Variants in CCDC7 observed in about 807,000 individuals in gnomAD.
CCDC7 encodes coiled-coil domain containing 7.
CCDC7 carries 183 observed loss-of-function variants against 196.9 expected under a neutral mutation model. The ratio of observed to expected loss-of-function variants is 0.93; its 90% confidence interval spans 0.82 to 1.05. The LOEUF (loss-of-function observed/expected upper bound fraction) is 1.05. CCDC7 is among the 50% of genes least tolerant of loss of function. The pLI is 0.00. For synonymous variants in CCDC7, 525 were observed against 484.6 expected, an observed-to-expected ratio of 1.08 and a Z score of -1.10; for missense variants, 1,540 against 1,482.2, an observed-to-expected ratio of 1.04 and a Z score of -0.64.
intron 28 of CCDC7, among the ~76,000 whole-genome samples, chr10:32,769,822 A>G (rs1195068017): frequency 6.6e-6 from 1 of 152,090 alleles, no homozygotes; most frequent in Non-Finnish European, 1.5e-5. Flanking sequence ...CATCCTTTTT[A>G]TGTCTGCATA....
At chr10:32,667,800 C>T (rs1002302806) in intron 21 of CCDC7, among the ~76,000 whole-genome samples, 8 of 152,060 alleles carry the variant, frequency 5.3e-5, no homozygotes, top group Non-Finnish European at 8.8e-5. Context: ...AGTCAGGTAG[C>T]GTGATGCCTC....
intron 8 of CCDC7, among the ~76,000 whole-genome samples, chr10:32,478,433 C>G (rs2039393611): frequency 6.6e-6 from 1 of 152,090 alleles, no homozygotes; most frequent in East Asian, 1.9e-4. Flanking sequence ...ATGATGTTAG[C>G]TATAAACTTT....
rs536744004 is a variant in CCDC7 at position 32,654,743 on chromosome 10, A to G, written c.2015-9311A>G. Reference sequence around the variant, plus strand: ...AGCCTTCATTTCCTGTTTGCTCAGAACCTCAAGGTCAGTTAGAGGTGAGAG... The same window carrying G: ...AGCCTTCATTTCCTGTTTGCTCAGAGCCTCAAGGTCAGTTAGAGGTGAGAG... On this transcript the variant is annotated intron_variant, in intron 20 of 41. Coordinates refer to ENST00000639629, the Ensembl canonical transcript of CCDC7. Among the ~76,000 whole-genome samples the G allele has an allele frequency of 2.6e-5, 4 of 152,194 alleles. No individual in the cohort carries two copies. The South Asian group carries it at 8.3e-4, about 32-fold the overall frequency.
chr10:32,566,842 A>C (rs2056867685), intron 14 of CCDC7, among the ~76,000 whole-genome samples: 1 of 148,848 alleles, frequency 6.7e-6, no homozygotes, highest in Admixed American at 6.8e-5. Context: ...AGCCCAGGAG[A>C]CTAGAGGTTG....
At chr10:32,792,403 G>A (rs2082849415) in intron 29 of CCDC7, among the ~76,000 whole-genome samples, 1 of 152,186 alleles carries the variant, frequency 6.6e-6, no homozygotes, top group Non-Finnish European at 1.5e-5. Flanking sequence ...AATTCAAAAA[G>A]ATGTAAATTG....
At chr10:32,846,105 G>A in intron 36 of CCDC7, 146 bp downstream of exon 37, 1 of 756,798 alleles carries the variant, frequency 1.3e-6, no homozygotes, top group Non-Finnish European at 2.3e-6. Context: ...TATAATAAAG[G>A]GACTATCAAT....
In CCDC7 at chr10:32,745,636, A is replaced by G. The variant is rs1029407910; in HGVS notation, c.2905+16179A>G. On this transcript the variant is annotated intron_variant, in intron 28 of 41. Transcript: ENST00000639629. ...TACCTAACACCAGCTACGACCTCCA[A>G]TATTGGTGATCCAGTTTCTACATGA... Among the ~76,000 whole-genome samples, 59 of 152,194 alleles carry G rather than the reference A, an allele frequency of 3.9e-4. 1 individual carries two copies. Among genetic ancestry groups the G allele is most frequent in the Non-Finnish European group, 7.8e-4 (53 of 68,028 alleles).
chr10:32,585,529 C>T lies in CCDC7; in HGVS notation c.1801+1225C>T, dbSNP rs552634237. On this transcript the variant is annotated intron_variant, in intron 18 of 41. Coordinates refer to ENST00000639629, the Ensembl canonical transcript of CCDC7. ...TCCTAATGTTATCCCTCTCCTAGGC[C>T]CCCACCCCTGACAGGCCCCTGTGTG... is the stretch of plus-strand genomic sequence containing the variant. Among the ~76,000 whole-genome samples, 9 of 152,190 alleles carry T rather than the reference C, an allele frequency of 5.9e-5. No individual in the cohort carries two copies. The South Asian group carries it at 1.9e-3, about 32-fold the overall frequency.
chr10:32,726,338 A>G (rs1251208829), intron 25 of CCDC7, among the ~76,000 whole-genome samples: 1 of 151,952 alleles, frequency 6.6e-6, no homozygotes, highest in African/African-American at 2.4e-5. Flanking sequence ...TTATTGAGCC[A>G]ATATATTATA....
intron 41 of CCDC7, among the ~76,000 whole-genome samples, chr10:32,855,258 T>A (rs1358041891): frequency 6.6e-6 from 1 of 152,138 alleles, no homozygotes; most frequent in Non-Finnish European, 1.5e-5. Context: ...CTCAACCTTT[T>A]TGACAGCAGG....
intron 1 of CCDC7, among the ~76,000 whole-genome samples, chr10:32,452,975 T>G (rs1311208536): frequency 6.6e-6 from 1 of 152,138 alleles, no homozygotes. Context: ...TGCTTTCTGG[T>G]CTCCATCTTT....
At chr10:32,544,420 GT>G in intron 13 of CCDC7, 119 bp downstream of exon 14, 1 of 929,428 alleles carries the variant, frequency 1.1e-6, no homozygotes, top group Non-Finnish European at 1.5e-6. Context: ...GTGTGTGTAT[GT>G]GTCTCTGTGT....
chr10:32,722,906 G>A (rs567134896), intron 25 of CCDC7, among the ~76,000 whole-genome samples: 2 of 152,192 alleles, frequency 1.3e-5, no homozygotes, highest in South Asian at 2.1e-4. Context: ...CTTGTTATAT[G>A]ACCACCGTTC....
intron 9 of CCDC7, among the ~76,000 whole-genome samples, chr10:32,506,383 C>A (rs2045113684): frequency 6.6e-6 from 1 of 152,042 alleles, no homozygotes. Flanking sequence ...GGCAGCCGGG[C>A]AGAGGGGCTC....
intron 29 of CCDC7, among the ~76,000 whole-genome samples, chr10:32,796,376 T>G (rs2083557752): frequency 6.6e-6 from 1 of 152,208 alleles, no homozygotes; most frequent in South Asian, 2.1e-4. Context: ...CTGTCTTAAG[T>G]CTGTGGGTTC....
chr10:32,739,652 A>G (rs1050898315), intron 28 of CCDC7, among the ~76,000 whole-genome samples: 8 of 147,810 alleles, frequency 5.4e-5, no homozygotes, highest in Non-Finnish European at 7.5e-5. Flanking sequence ...TCTTCAGACT[A>G]TGTTTTTTTT....
chr10:32,791,384 GA>G (rs1048194691), intron 29 of CCDC7, among the ~76,000 whole-genome samples: 5 of 151,860 alleles, frequency 3.3e-5, no homozygotes, highest in African/African-American at 9.7e-5. Flanking sequence ...TGACACCAAA[GA>G]AACAGAAATT....
chr10:32,512,224 A>G (rs2135384242), intron 9 of CCDC7: 1 of 158,822 alleles, frequency 6.3e-6, no homozygotes, highest in Non-Finnish European at 1.4e-5. Context: ...GTTCAGTCTT[A>G]GAGATGAAGT....
chr10:32,752,237 C>T (rs2075774592), intron 28 of CCDC7, among the ~76,000 whole-genome samples: 1 of 148,706 alleles, frequency 6.7e-6, no homozygotes, highest in Non-Finnish European at 1.5e-5. Context: ...GTATTTATAG[C>T]CCTCTAATTG....
Sources: gnomAD v4.1 joint callset for allele counts (sites outside exome capture counted in the v4.1 genomes callset) on GRCh38, gnomAD v4.1.1 for gene constraint, MANE v1.5 for transcripts, NCBI Gene and HGNC (gene_info 2026-07-23, HGNC 2026-07-21) for gene names.